Variants in GCH1 observed in about 807,000 individuals in gnomAD.
The protein encoded by GCH1 is GTP cyclohydrolase 1.
Under a neutral mutation model 25.9 loss-of-function variants are expected in GCH1, and 5 were observed. That is an observed-to-expected ratio of 0.19 (90% CI 0.10 to 0.41). The LOEUF is 0.41. Ranked by LOEUF, GCH1 falls within the 10% of genes least tolerant of loss-of-function variation. The pLI is 1.00. For synonymous variants in GCH1, 159 were observed against 129.6 expected, an observed-to-expected ratio of 1.23 and a Z score of -1.54; for missense variants, 261 against 336.5, an observed-to-expected ratio of 0.78 and a Z score of 1.75.
chr14:54,843,312 T>G lies in GCH1; in HGVS notation c.*705A>C, dbSNP rs1024170983. ...ATATTCTTATCAAGGCACAGAGAGT[T>G]AAATGTCTAAATCCCTGTATGTTGA... On this transcript the variant is annotated 3_prime_UTR_variant, in exon 6 of 6. Coordinates refer to ENST00000491895, the MANE Select transcript of GCH1 (RefSeq NM_000161.3). 1.6e-5 allele frequency: 21 copies of G among 1,331,828 alleles called. No individual in the cohort carries two copies. The highest frequency in any genetic ancestry group is 2.0e-5 in the Non-Finnish European group (21 of 1,045,802). 82.5% of individuals were successfully genotyped at this position (1,331,828 alleles called of 1,614,324 possible).
intron 1 of GCH1, among the ~76,000 whole-genome samples, chr14:54,876,908 TAC>T (rs1199998971): frequency 6.6e-6 from 1 of 152,182 alleles, no homozygotes; most frequent in Non-Finnish European, 1.5e-5. Context: ...TATAATTTGT[TAC>T]ACAGTTTTGA....
At chr14:54,900,527 T>C (rs915708147) in intron 1 of GCH1, among the ~76,000 whole-genome samples, 4 of 152,210 alleles carry the variant, frequency 2.6e-5, no homozygotes, top group Non-Finnish European at 4.4e-5. Flanking sequence ...AACAGTTTTC[T>C]AATGTGGAAT....
intron 3 of GCH1, among the ~76,000 whole-genome samples, chr14:54,852,082 A>G (rs2039739787): frequency 6.6e-6 from 1 of 152,168 alleles, no homozygotes; most frequent in Admixed American, 6.5e-5. Flanking sequence ...GAGCCACTGC[A>G]CCCAGCCTAT....
At position 54,842,741 on chromosome 14, in the gene GCH1, G is replaced by A; in HGVS notation, c.*1276C>T. 5.7e-6 allele frequency: 2 copies of A among 350,638 alleles called. No individual in the cohort carries two copies. Among genetic ancestry groups the A allele is most frequent in the Non-Finnish European group, 1.0e-5 (2 of 196,426 alleles). The allele number at this position is 350,638 out of a possible 1,614,324, so 21.7% of individuals were successfully genotyped here. On this transcript the variant is annotated 3_prime_UTR_variant, in exon 6 of 6. Coordinates refer to ENST00000491895, the MANE Select transcript of GCH1 (RefSeq NM_000161.3). Reference sequence around the variant, plus strand: ...AACTTCATGGAATAACTGTGTTTGTGTTTCTGTGGAGGAGTTGCGGTTTTG... The same window carrying A: ...AACTTCATGGAATAACTGTGTTTGTATTTCTGTGGAGGAGTTGCGGTTTTG...
intron 1 of GCH1, among the ~76,000 whole-genome samples, chr14:54,880,558 TATATATACTCCATATATATATACTCC>T (rs1566676922): frequency 1.6e-4 from 13 of 80,768 alleles, no homozygotes; most frequent in Non-Finnish European, 2.5e-4. Flanking sequence ...ATACTCCATA[TATATATACTCCATATATATATACTCC>T]ATATATATAT....
At chr14:54,853,827 A>G (rs1314180183) in intron 3 of GCH1, among the ~76,000 whole-genome samples, 1 of 152,046 alleles carries the variant, frequency 6.6e-6, no homozygotes, top group Non-Finnish European at 1.5e-5. Context: ...AGGTTTCTCT[A>G]CGCTCTTGAA....
chr14:54,902,343 C>T lies in GCH1; in HGVS notation c.321G>A (p.Lys107=), dbSNP rs1375057499. The T allele has an allele frequency of 1.2e-6, 2 of 1,612,856 alleles. No homozygotes were observed. The highest frequency in any genetic ancestry group is 1.7e-6 in the Non-Finnish European group (2 of 1,179,792). ...RAASAMQFFT[K]GYQETISDVL... ...GACCTGAGATGGTCTCCTGGTAGCCCTTGGTGAAGAACTGCATGGCCGAGG... is the reference window on the plus strand; with the variant it reads ...GACCTGAGATGGTCTCCTGGTAGCCTTTGGTGAAGAACTGCATGGCCGAGG... Residue 107 remains lysine (K), a synonymous_variant, in exon 1 of 6, where the codon AAG becomes AAA. Coordinates refer to ENST00000491895, the MANE Select transcript of GCH1 (RefSeq NM_000161.3).
chr14:54,879,755 G>A (rs898115853), intron 1 of GCH1, among the ~76,000 whole-genome samples: 4 of 151,888 alleles, frequency 2.6e-5, no homozygotes, highest in Admixed American at 6.6e-5. Flanking sequence ...ATCCCAGCAC[G>A]TTCGGAGGCC....
chr14:54,867,248 C>A (rs2040000434), intron 1 of GCH1, among the ~76,000 whole-genome samples: 1 of 152,116 alleles, frequency 6.6e-6, no homozygotes, highest in African/African-American at 2.4e-5. Flanking sequence ...TGACGACAAC[C>A]ATATGGCCCA....
intron 2 of GCH1, among the ~76,000 whole-genome samples, chr14:54,863,927 C>T (rs941063323): frequency 2.0e-5 from 3 of 152,084 alleles, no homozygotes; most frequent in Non-Finnish European, 4.4e-5. Context: ...GGCGCAATCT[C>T]GGCTCACTGC....
rs2040580937 is a variant in GCH1, at chr14:54,902,394, C to T, written c.270G>A (p.Gly90=). 1.2e-6 allele frequency: 2 copies of T among 1,613,178 alleles called. No homozygotes were observed. The highest frequency in any genetic ancestry group is 1.1e-5 in the South Asian group (1 of 91,074). ...CCGCCCTCCAGGGCGTCTTGAGCAG[C>T]CCTTGCCGCTGGGGGTTCTCGCCCA... ...SSLGENPQRQ[G]LLKTPWRAAS... The change falls in exon 1 of 6, where the codon GGG becomes GGA. Residue 90 remains glycine, a synonymous_variant. Transcript: ENST00000491895.
intron 4 of GCH1, among the ~76,000 whole-genome samples, chr14:54,846,258 G>A (rs910072905): frequency 6.6e-6 from 1 of 152,180 alleles, no homozygotes; most frequent in Non-Finnish European, 1.5e-5. Flanking sequence ...ATTGTGCTTA[G>A]AGCAATGTTG....
chr14:54,873,700 G>A (rs1218518621), intron 1 of GCH1, among the ~76,000 whole-genome samples: 18 of 151,466 alleles, frequency 1.2e-4, no homozygotes, highest in East Asian at 1.2e-3. Context: ...ACTACCATCA[G>A]AGAATACTAT....
At chr14:54,901,125 G>C (rs1450693543) in intron 1 of GCH1, among the ~76,000 whole-genome samples, 1 of 152,078 alleles carries the variant, frequency 6.6e-6, no homozygotes, top group Non-Finnish European at 1.5e-5. Flanking sequence ...TTTGGGGTGT[G>C]GAAGACTGGG....
intron 1 of GCH1, among the ~76,000 whole-genome samples, chr14:54,881,710 C>A (rs527630755): frequency 6.6e-6 from 1 of 152,306 alleles, no homozygotes; most frequent in East Asian, 1.9e-4. Flanking sequence ...ATTTCATAAA[C>A]TGTAGGTTTG....
chr14:54,874,271 G>T (rs1271174132), intron 1 of GCH1, among the ~76,000 whole-genome samples: 1 of 152,144 alleles, frequency 6.6e-6, no homozygotes, highest in Admixed American at 6.5e-5. Flanking sequence ...TTACAGAAAA[G>T]TCCTGTGACA....
At chr14:54,869,733 G>C (rs1432995199) in intron 1 of GCH1, among the ~76,000 whole-genome samples, 2 of 152,266 alleles carry the variant, frequency 1.3e-5, no homozygotes, top group South Asian at 4.1e-4. Context: ...ACCTGCCTCA[G>C]CCTCCCAAAG....
At chr14:54,844,251 C>T (rs2039607314) in intron 5 of GCH1, 108 bp from the exon 6 acceptor site, 3 of 793,134 alleles carry the variant, frequency 3.8e-6, no homozygotes, top group East Asian at 2.4e-5. Context: ...CCAAGTATAT[C>T]GAAATATCCC....
At chr14:54,879,785 G>C (rs184767889) in intron 1 of GCH1, among the ~76,000 whole-genome samples, 370 of 152,120 alleles carry the variant, frequency 2.4e-3, no homozygotes, top group African/African-American at 8.3e-3. Context: ...AGGAGTACAA[G>C]ACCAGCCTGG....
Sources: allele counts gnomAD v4.1 joint callset (sites outside exome capture counted in the v4.1 genomes callset), GRCh38; gene constraint gnomAD v4.1.1; transcripts MANE v1.5; gene names NCBI Gene and HGNC (gene_info 2026-07-23, HGNC 2026-07-21).